SIT1: variants seen among roughly 807,000 people sequenced by gnomAD.
SIT1 encodes signaling threshold regulating transmembrane adaptor 1, also known as signaling threshold-regulating transmembrane adapter 1.
In SIT1, 19 loss-of-function variants were observed where a neutral mutation model predicts 23.5. The observed-to-expected ratio is 0.81, with a 90% CI of 0.56 to 1.19. SIT1 has a LOEUF of 1.19. Among genes scored for constraint, SIT1 ranks in the 50% most tolerant of loss-of-function variants. The probability of loss-of-function intolerance (pLI) is 0.00; values close to 1 mark genes in which losing one functional copy is unlikely to be tolerated. For missense variants in SIT1, 213 were observed against 254.9 expected (o/e 0.84, Z 1.12); for synonymous variants, 114 against 109.1 (o/e 1.04, Z -0.28).
At position 35,650,584 on chromosome 9, in the gene SIT1, T is replaced by C; in HGVS notation, c.154A>G (p.Thr52Ala). The change falls in exon 2 of 5, where the codon ACG becomes GCG. Residue 52 changes from threonine (T) to alanine (A), a missense_variant. By Grantham distance (58) the Thr-to-Ala change is moderately conservative (BLOSUM62 0). Coordinates refer to ENST00000259608, the MANE Select transcript of SIT1 (RefSeq NM_014450.3). This position sits in a 1 kb window ranked among gnomAD's most constrained non-coding sequence, Gnocchi z 4.8. ...WGLWVLLGAV[T>A]LLFLISLAAH... The stretch of plus-strand genomic sequence containing the variant: ...GCCAGCGAGATGAGAAATAGCAGCG[T>C]CACAGCCCCTAAGAGGACCCACAGT... 1 of 1,613,750 alleles carries C rather than the reference T, an allele frequency of 6.2e-7. No homozygotes were observed. The highest frequency in any genetic ancestry group is 1.1e-5 in the South Asian group (1 of 91,068).
In SIT1 at chr9:35,649,642, A is replaced by G; in HGVS notation, c.*206T>C. 1 of 459,108 alleles carries G rather than the reference A, an allele frequency of 2.2e-6. No homozygotes were observed. The highest frequency in any genetic ancestry group is 5.1e-5 in the South Asian group (1 of 19,788). The allele number at this position is 459,108 out of a possible 1,614,324, so 28.4% of individuals were successfully genotyped here. A position where few individuals can be genotyped will look rare whatever the true frequency, so the allele number is the denominator to read the frequency against. On this transcript the variant is annotated 3_prime_UTR_variant, in exon 5 of 5. Coordinates refer to ENST00000259608, the MANE Select transcript of SIT1 (RefSeq NM_014450.3). Reference sequence around the variant, plus strand: ...AGAGGAACAGATAGAAAAAAGAAATAAGGAGGGGGCTACTGTCTTTGCCTC... The same window carrying G: ...AGAGGAACAGATAGAAAAAAGAAATGAGGAGGGGGCTACTGTCTTTGCCTC...
In SIT1 at chr9:35,649,992, C is replaced by T. The variant is rs761375605; in HGVS notation, c.447G>A (p.Ser149=). Reference sequence around the variant, plus strand: ...TTGGCTCAGAGTCCAGCACCACCTCCGAGTACTTGACGGGGGTTCCAGGAC... The same window carrying T: ...TTGGCTCAGAGTCCAGCACCACCTCTGAGTACTTGACGGGGGTTCCAGGAC... ...IPGPGTPVKY[S]EVVLDSEPKS... is the part of the protein sequence containing the mutation. Residue 149 remains serine (S), a synonymous_variant, in exon 5 of 5, where the codon TCG becomes TCA. Transcript: ENST00000259608. The T allele has an allele frequency of 1.3e-5, 20 of 1,584,260 alleles. No individual in the cohort carries two copies. Among genetic ancestry groups the T allele is most frequent in the Admixed American group, 1.8e-5 (1 of 54,842 alleles).
In SIT1 at chr9:35,650,174, G is replaced by C; in HGVS notation, c.357+10C>G. On this transcript the variant is annotated intron_variant, in intron 4 of 4. Transcript: ENST00000259608. The surrounding 1 kb of genome is among the most constrained non-coding windows in gnomAD (Gnocchi z 4.8). Reference sequence around the variant, plus strand: ...TCCCTCCCCCTTTTCTCCAGCCACAGTTGACTCACCCTGGCAGGGCCTCCA... The same window carrying C: ...TCCCTCCCCCTTTTCTCCAGCCACACTTGACTCACCCTGGCAGGGCCTCCA... 6.2e-7 allele frequency: 1 copy of C among 1,613,974 alleles called. No homozygotes were observed. The highest frequency in any genetic ancestry group is 8.5e-7 in the Non-Finnish European group (1 of 1,179,904).
rs1282794867 is a variant in SIT1, at chr9:35,649,849, CAGCT to C, written c.586_589del (p.Ser196GlufsTer17). 4 of 1,531,182 alleles carry C rather than the reference CAGCT, an allele frequency of 2.6e-6. No individual in the cohort carries two copies. The Admixed American group carries it at 8.1e-5, about 31-fold the overall frequency. The allele number at this position is 1,531,182 out of a possible 1,614,324, so 94.8% of individuals were successfully genotyped here. Reference sequence around the variant, plus strand: ...CCCCGCTGTGCCAGGCCCTCCATCTCAGCTGGCTGCAGGCTGGCTGTTGGCATAG... The same window carrying C: ...CCCCGCTGTGCCAGGCCCTCCATCTCGGCTGCAGGCTGGCTGTTGGCATAG... On this transcript the variant is annotated frameshift_variant and stop_lost, in exon 5 of 5. Coordinates refer to ENST00000259608, the MANE Select transcript of SIT1 (RefSeq NM_014450.3). LOFTEE classifies it high-confidence loss of function.
At position 35,650,885 on chromosome 9, in the gene SIT1, C is replaced by T. The variant is rs1823465384; in HGVS notation, c.-32G>A. On this transcript the variant is annotated 5_prime_UTR_variant, in exon 1 of 5. Transcript: ENST00000259608. The surrounding 1 kb of genome is among the most constrained non-coding windows in gnomAD (Gnocchi z 4.8). The stretch of plus-strand genomic sequence containing the variant: ...ACGGTTTCCACAGCACTTCTTACTC[C>T]CATCCCTCCTCAGGCCCGTACCCCG... 1 of 1,520,688 alleles carries T rather than the reference C, an allele frequency of 6.6e-7. No homozygotes were observed. The highest frequency in any genetic ancestry group is 1.4e-5 in the African/African-American group (1 of 72,830). The allele number at this position is 1,520,688 out of a possible 1,614,324, so 94.2% of individuals were successfully genotyped here.
chr9:35,650,570 G>A lies in SIT1; in HGVS notation c.168C>T (p.Leu56=). The A allele has an allele frequency of 6.2e-7, 1 of 1,613,898 alleles. No individual in the cohort carries two copies. Among genetic ancestry groups the A allele is most frequent in the East Asian group, 2.2e-5 (1 of 44,884 alleles). The change falls in exon 2 of 5, where the codon CTC becomes CTT. Residue 56 remains leucine (L), a synonymous_variant. Coordinates refer to ENST00000259608, the MANE Select transcript of SIT1 (RefSeq NM_014450.3). The surrounding 1 kb of genome is among the most constrained non-coding windows in gnomAD (Gnocchi z 4.8). ...GGGACAAGTGTGCAGCCAGCGAGATGAGAAATAGCAGCGTCACAGCCCCTA... is the reference window on the plus strand; with the variant it reads ...GGGACAAGTGTGCAGCCAGCGAGATAAGAAATAGCAGCGTCACAGCCCCTA... ...VLLGAVTLLF[L]ISLAAHLSQW...
chr9:35,650,120 G>GGAAAAGCCC lies in SIT1; in HGVS notation c.358-48_358-40dup, dbSNP rs1563903237. 1.2e-6 allele frequency: 2 copies of GGAAAAGCCC among 1,612,166 alleles called. No individual in the cohort carries two copies. Among genetic ancestry groups the GGAAAAGCCC allele is most frequent in the East Asian group, 2.2e-5 (1 of 44,842 alleles). Reference sequence around the variant, plus strand: ...GCTGTTAGAAGTTCACTGGACCCTCGGAAAAGCCCGAAAAGCCCCCCACTT... The same window carrying GGAAAAGCCC: ...GCTGTTAGAAGTTCACTGGACCCTCGGAAAAGCCCGAAAAGCCCGAAAAGCCCCCCACTT... On this transcript the variant is annotated intron_variant, in intron 4 of 4. Transcript: ENST00000259608. This position sits in a 1 kb window ranked among gnomAD's most constrained non-coding sequence, Gnocchi z 4.8.
At position 35,649,980 on chromosome 9, in the gene SIT1, C is replaced by G; in HGVS notation, c.459G>C (p.Leu153=). The change falls in exon 5 of 5, where the codon CTG becomes CTC. Residue 153 remains leucine, a synonymous_variant. Transcript: ENST00000259608. ...GTPVKYSEVV[L]DSEPKSQASG... ...AGGCCTGGGACTTTGGCTCAGAGTC[C>G]AGCACCACCTCCGAGTACTTGACGG... 1 of 1,584,918 alleles carries G rather than the reference C, an allele frequency of 6.3e-7. No individual in the cohort carries two copies. The highest frequency in any genetic ancestry group is 8.6e-7 in the Non-Finnish European group (1 of 1,165,022).
chr9:35,650,005 G>A lies in SIT1; in HGVS notation c.434C>T (p.Pro145Leu), dbSNP rs1449729005. The A allele has an allele frequency of 1.9e-6, 3 of 1,585,738 alleles. No individual in the cohort carries two copies. In the South Asian group the frequency reaches 3.4e-5, roughly 18 times the overall value. Residue 145 changes from proline to leucine, a missense_variant, in exon 5 of 5, where the codon CCC becomes CTC. Coordinates refer to ENST00000259608, the MANE Select transcript of SIT1 (RefSeq NM_014450.3). This position sits in a 1 kb window ranked among gnomAD's most constrained non-coding sequence, Gnocchi z 4.8. The stretch of plus-strand genomic sequence containing the variant: ...CAGCACCACCTCCGAGTACTTGACG[G>A]GGGTTCCAGGACCGGGGATCCGACC... ...PQGRIPGPGTPVKYSEVVLDS... is the reference protein window; with the variant it reads ...PQGRIPGPGTLVKYSEVVLDS...
At position 35,649,740 on chromosome 9, in the gene SIT1, C is replaced by T; in HGVS notation, c.*108G>A. 1 of 800,014 alleles carries T rather than the reference C, an allele frequency of 1.2e-6. No homozygotes were observed. Among genetic ancestry groups the T allele is most frequent in the South Asian group, 2.0e-5 (1 of 51,162 alleles). 49.6% of individuals were successfully genotyped at this position (800,014 alleles called of 1,614,324 possible). A position where few individuals can be genotyped will look rare whatever the true frequency, so the allele number is the denominator to read the frequency against. ...TAGGAAGTCCGGGGTAGATCACATC[C>T]TGTGACTTGGCAATGGCGCCCGTCT... On this transcript the variant is annotated 3_prime_UTR_variant, in exon 5 of 5. Transcript: ENST00000259608.
rs1217115387 is a variant in SIT1 at position 35,649,713 on chromosome 9, G to A, written c.*135C>T. On this transcript the variant is annotated 3_prime_UTR_variant, in exon 5 of 5. Transcript: ENST00000259608. ...CCTGAGATGTCTCCCTTGAAGCTCA[G>A]ATAGGAAGTCCGGGGTAGATCACAT... The A allele has an allele frequency of 6.4e-6, 4 of 629,814 alleles. No homozygotes were observed. The highest frequency in any genetic ancestry group is 7.9e-6 in the Non-Finnish European group (3 of 379,186). The allele number at this position is 629,814 out of a possible 1,614,324, so 39.0% of individuals were successfully genotyped here.
chr9:35,650,869 A>G lies in SIT1; in HGVS notation c.-16T>C, dbSNP rs1355617523. The G allele has an allele frequency of 6.3e-7, 1 of 1,587,068 alleles. No individual in the cohort carries two copies. Among genetic ancestry groups the G allele is most frequent in the African/African-American group, 1.3e-5 (1 of 74,162 alleles). On this transcript the variant is annotated 5_prime_UTR_variant, in exon 1 of 5. Transcript: ENST00000259608. This position sits in a 1 kb window ranked among gnomAD's most constrained non-coding sequence, Gnocchi z 4.8. The stretch of plus-strand genomic sequence containing the variant: ...CCTGGTTCATGGCCTGACGGTTTCC[A>G]CAGCACTTCTTACTCCCATCCCTCC...
Position 35,650,217 on chromosome 9 carries a change from G to A in SIT1, c.324C>T (p.Asp108=). The A allele has an allele frequency of 1.2e-6, 2 of 1,614,002 alleles. No individual in the cohort carries two copies. Among genetic ancestry groups the A allele is most frequent in the Non-Finnish European group, 1.7e-6 (2 of 1,179,946 alleles). ...GGCCTCCAAGAGTTGGATCCTGCTG[G>A]TCTGGCTCTGGGTCTTGAGACAGCC... ...TGRLSQDPEP[D]QQDPTLGGPA... Residue 108 remains aspartate, a synonymous_variant, in exon 4 of 5, where the codon GAC becomes GAT. Coordinates refer to ENST00000259608, the MANE Select transcript of SIT1 (RefSeq NM_014450.3). The surrounding 1 kb of genome is among the most constrained non-coding windows in gnomAD (Gnocchi z 4.8).
rs1277432425 is a variant in SIT1 at position 35,650,675 on chromosome 9, C to T, written c.101-38G>A. The T allele has an allele frequency of 6.2e-7, 1 of 1,611,968 alleles. No individual in the cohort carries two copies. Among genetic ancestry groups the T allele is most frequent in the Admixed American group, 1.7e-5 (1 of 59,982 alleles). On this transcript the variant is annotated intron_variant, in intron 1 of 4. Transcript: ENST00000259608. This position sits in a 1 kb window ranked among gnomAD's most constrained non-coding sequence, Gnocchi z 4.8. ...AAGGAAGGGGGGTGTAACAGCCCCG[C>T]CCCACCCCCAGGGCCCAGCAGGTGG...
At position 35,649,952 on chromosome 9, in the gene SIT1, C is replaced by T. The variant is rs1411928670; in HGVS notation, c.487G>A (p.Gly163Ser). The T allele has an allele frequency of 6.3e-7, 1 of 1,582,940 alleles. No individual in the cohort carries two copies. ...LDSEPKSQASGPEPELYASVC... is the reference protein window; with the variant it reads ...LDSEPKSQASSPEPELYASVC... ...GAGGCATAGAGCTCCGGCTCGGGGC[C>T]CGAGGCCTGGGACTTTGGCTCAGAG... is the stretch of plus-strand genomic sequence containing the variant. The change falls in exon 5 of 5, where the codon GGC (glycine) becomes AGC (serine). Residue 163 changes from glycine (G) to serine (S), a missense_variant. Physicochemically the swap from Gly to Ser is moderately conservative, Grantham distance 56 (BLOSUM62 0). Transcript: ENST00000259608.
At position 35,650,404 on chromosome 9, in the gene SIT1, G is replaced by C; in HGVS notation, c.248C>G (p.Ser83Cys). ...SHPGQGRSGE[S>C]VEEVPLYGNL... Reference sequence around the variant, plus strand: ...CCCATACAGCGGGACCTCTTCCACAGACTCTCCAGAGCTGCAACGCAGAGT... The same window carrying C: ...CCCATACAGCGGGACCTCTTCCACACACTCTCCAGAGCTGCAACGCAGAGT... The change falls in exon 3 of 5, where the codon TCT (serine) becomes TGT (cysteine). Residue 83 changes from serine (S) to cysteine (C), a missense_variant. Transcript: ENST00000259608. The surrounding 1 kb of genome is among the most constrained non-coding windows in gnomAD (Gnocchi z 4.8). 6.2e-7 allele frequency: 1 copy of C among 1,614,082 alleles called. No individual in the cohort carries two copies. Among genetic ancestry groups the C allele is most frequent in the Non-Finnish European group, 8.5e-7 (1 of 1,180,002 alleles).
Position 35,649,488 on chromosome 9 carries a change from C to G in SIT1, c.*360G>C, listed in dbSNP as rs1377946690. On this transcript the variant is annotated 3_prime_UTR_variant, in exon 5 of 5. Transcript: ENST00000259608. ...CACCCACTGTCAGGCCCTTACCCCT[C>G]CCCCACCGCCCACTTCCTGTGCCTG... is the stretch of plus-strand genomic sequence containing the variant. 5.1e-6 allele frequency: 1 copy of G among 197,778 alleles called. No individual in the cohort carries two copies. Among genetic ancestry groups the G allele is most frequent in the African/African-American group, 2.3e-5 (1 of 43,052 alleles). The allele number at this position is 197,778 out of a possible 1,614,324, so 12.3% of individuals were successfully genotyped here.
In SIT1 at chr9:35,649,621, G is replaced by A. The variant is rs937997427; in HGVS notation, c.*227C>T. 3 of 445,528 alleles carry A rather than the reference G, an allele frequency of 6.7e-6. No homozygotes were observed. The South Asian group carries it at 1.6e-4, about 24-fold the overall frequency. The allele number at this position is 445,528 out of a possible 1,614,324, so 27.6% of individuals were successfully genotyped here. ...AACCTGGGAGTTTGGGGGCTAAGAGGAACAGATAGAAAAAAGAAATAAGGA... is the reference window on the plus strand; with the variant it reads ...AACCTGGGAGTTTGGGGGCTAAGAGAAACAGATAGAAAAAAGAAATAAGGA... On this transcript the variant is annotated 3_prime_UTR_variant, in exon 5 of 5. Transcript: ENST00000259608.
chr9:35,649,526 G>A lies in SIT1; in HGVS notation c.*322C>T, dbSNP rs952249195. The stretch of plus-strand genomic sequence containing the variant: ...CTTCCTGTGCCTGAGGAGACACTGA[G>A]GCGTGGGGGTAGACTATGAGGGAGC... On this transcript the variant is annotated 3_prime_UTR_variant, in exon 5 of 5. Coordinates refer to ENST00000259608, the MANE Select transcript of SIT1 (RefSeq NM_014450.3). 8.3e-6 allele frequency: 2 copies of A among 241,358 alleles called. No individual in the cohort carries two copies. The highest frequency in any genetic ancestry group is 1.6e-5 in the Non-Finnish European group (2 of 125,740). The allele number at this position is 241,358 out of a possible 1,614,324, so 15.0% of individuals were successfully genotyped here.
Sources: allele counts gnomAD v4.1 joint callset, GRCh38; gene constraint gnomAD v4.1.1; non-coding constraint Gnocchi (gnomAD v3.1); transcripts MANE v1.5; gene names NCBI Gene and HGNC (gene_info 2026-07-23, HGNC 2026-07-21).